Variants in PEAK1 observed in about 807,000 individuals in gnomAD.
PEAK1 encodes the protein pseudopodium enriched atypical kinase 1.
PEAK1 carries 54 observed loss-of-function variants against 124.7 expected under a neutral mutation model. The ratio of observed to expected loss-of-function variants is 0.43; its 90% CI spans 0.35 to 0.54. PEAK1 has a LOEUF of 0.54. Ranked by LOEUF, PEAK1 falls within the 20% of genes least tolerant of loss-of-function variation. The pLI is 0.01. For missense variants in PEAK1, 2,046 were observed against 2,134.5 expected, an observed-to-expected ratio of 0.96 and a Z score of 0.82; for synonymous variants, 719 against 760.0, an observed-to-expected ratio of 0.95 and a Z score of 0.89.
chr15:77,386,326 T>C (rs908752626), intron 1 of PEAK1, among the ~76,000 whole-genome samples: 10 of 152,182 alleles, frequency 6.6e-5, no homozygotes, highest in African/African-American at 2.4e-4. Flanking sequence ...TAAGAATGGC[T>C]CTATGTACAA....
intron 5 of PEAK1, among the ~76,000 whole-genome samples, chr15:77,261,068 G>A (rs1162740256): frequency 6.6e-6 from 1 of 152,184 alleles, no homozygotes; most frequent in East Asian, 1.9e-4. Flanking sequence ...GGTCCTGACT[G>A]TTAGAAGGAA....
At chr15:77,352,021 G>A in intron 2 of PEAK1, 1 of 921,116 alleles carries the variant, frequency 1.1e-6, no homozygotes, top group Non-Finnish European at 1.3e-6. Context: ...AGGAGTTCAA[G>A]ACCAGCCTGG....
chr15:77,243,404 T>C (rs1377641378), intron 6 of PEAK1, among the ~76,000 whole-genome samples: 1 of 152,228 alleles, frequency 6.6e-6, no homozygotes, highest in African/African-American at 2.4e-5. Flanking sequence ...AACACAGCCA[T>C]CTTCATTCTT....
rs1428012184 is a variant in PEAK1 at position 77,294,042 on chromosome 15, G to A, written c.-602-7538C>T. Among the ~76,000 whole-genome samples, 3 of 152,120 alleles carry A rather than the reference G, an allele frequency of 2.0e-5. No homozygotes were observed. The East Asian group carries it at 5.8e-4, about 29-fold the overall frequency. On this transcript the variant is annotated intron_variant, in intron 2 of 9. Coordinates refer to ENST00000682557, the MANE Select transcript of PEAK1 (RefSeq NM_001385026.1). ...ACCTCTGCATTCATGGAAGGAAAAA[G>A]GACAGTGCCAGTCACACATTTACCC... is the stretch of plus-strand genomic sequence containing the variant.
At chr15:77,271,938 A>G (rs1319992897) in intron 5 of PEAK1, among the ~76,000 whole-genome samples, 1 of 152,218 alleles carries the variant, frequency 6.6e-6, no homozygotes, top group Non-Finnish European at 1.5e-5. Flanking sequence ...AATAATAAAA[A>G]AAAAGGAAAT....
At position 77,298,257 on chromosome 15, in the gene PEAK1, T is replaced by C. The variant is rs115490587; in HGVS notation, c.-602-11753A>G. On this transcript the variant is annotated intron_variant, in intron 2 of 9. Coordinates refer to ENST00000682557, the MANE Select transcript of PEAK1 (RefSeq NM_001385026.1). Reference sequence around the variant, plus strand: ...TTTTTGAGAGGTAGTCTCGCTGTGCTGCCCAGGCTGGAATGCAGTGGCACA... The same window carrying C: ...TTTTTGAGAGGTAGTCTCGCTGTGCCGCCCAGGCTGGAATGCAGTGGCACA... Among the ~76,000 whole-genome samples, 767 of 119,916 alleles carry C rather than the reference T, an allele frequency of 6.4e-3. 10 individuals are homozygous for C. The highest frequency in any genetic ancestry group is 0.023 in the African/African-American group (728 of 31,488). 78.7% of individuals were successfully genotyped at this position (119,916 alleles called of 152,430 possible). A position where few individuals can be genotyped will look rare whatever the true frequency, so the allele number is the denominator to read the frequency against.
At chr15:77,238,277 G>A (rs1171610606) in intron 6 of PEAK1, among the ~76,000 whole-genome samples, 4 of 152,006 alleles carry the variant, frequency 2.6e-5, no homozygotes, top group African/African-American at 9.7e-5. Context: ...TTTGCATCCA[G>A]CATTAGTAAT....
intron 8 of PEAK1, among the ~76,000 whole-genome samples, chr15:77,140,928 C>G (rs1480782548): frequency 6.6e-6 from 1 of 152,150 alleles, no homozygotes; most frequent in Middle Eastern, 3.4e-3. Flanking sequence ...GTCTCAAACT[C>G]CTGAGCTCAA....
chr15:77,235,860 T>C (rs1206994334), intron 6 of PEAK1, among the ~76,000 whole-genome samples: 2 of 152,216 alleles, frequency 1.3e-5, no homozygotes, highest in East Asian at 3.9e-4. Flanking sequence ...AGCTCCAGCA[T>C]GGCTAAAAAG....
intron 2 of PEAK1, among the ~76,000 whole-genome samples, chr15:77,298,641 A>G (rs2152988636): frequency 6.6e-6 from 1 of 152,278 alleles, no homozygotes; most frequent in African/African-American, 2.4e-5. Flanking sequence ...ATCCTTTCTA[A>G]AAATTTTTAT....
chr15:77,309,434 A>G (rs556605679), intron 2 of PEAK1, among the ~76,000 whole-genome samples: 3 of 149,234 alleles, frequency 2.0e-5, no homozygotes, highest in South Asian at 2.1e-4. Flanking sequence ...CCAGCAAGGG[A>G]AAAAAAAAAC....
intron 1 of PEAK1, among the ~76,000 whole-genome samples, chr15:77,398,638 T>A (rs769768586): frequency 1.3e-5 from 2 of 152,172 alleles, no homozygotes; most frequent in African/African-American, 4.8e-5. Context: ...AAGCCATATA[T>A]GACGGAACCG....
At chr15:77,168,235 G>GTGCA (rs1555428560) in intron 7 of PEAK1, among the ~76,000 whole-genome samples, 2 of 59,582 alleles carry the variant, frequency 3.4e-5, no homozygotes, top group African/African-American at 1.1e-4. Flanking sequence ...GCATGTGCGC[G>GTGCA]CGCACACACA....
chr15:77,290,223 C>G (rs189761305), intron 2 of PEAK1, among the ~76,000 whole-genome samples: 1 of 152,330 alleles, frequency 6.6e-6, no homozygotes, highest in East Asian at 1.9e-4. Context: ...TTCCCGGGTT[C>G]AAGCGATTCT....
chr15:77,334,520 G>T, intron 2 of PEAK1: 1 of 985,302 alleles, frequency 1.0e-6, no homozygotes, highest in East Asian at 1.1e-4. Flanking sequence ...CAGGCAGTTT[G>T]CTCTTTCATG....
intron 7 of PEAK1, among the ~76,000 whole-genome samples, chr15:77,169,882 T>G (rs2056384732): frequency 6.6e-6 from 1 of 151,550 alleles, no homozygotes; most frequent in South Asian, 2.1e-4. Context: ...AAGGGAAGAG[T>G]TGTGATGGAA....
intron 9 of PEAK1, among the ~76,000 whole-genome samples, chr15:77,130,384 C>T (rs1044232811): frequency 1.3e-5 from 2 of 152,160 alleles, no homozygotes; most frequent in Admixed American, 6.5e-5. Flanking sequence ...TAACTTGAAT[C>T]CAGATCCCCC....
At chr15:77,313,253 C>T (rs1235032985) in intron 2 of PEAK1, among the ~76,000 whole-genome samples, 1 of 151,894 alleles carries the variant, frequency 6.6e-6, no homozygotes, top group Admixed American at 6.6e-5. Context: ...ATGGTTAAAG[C>T]TGAAACAAGA....
At chr15:77,395,258 G>A (rs1330414103) in intron 1 of PEAK1, among the ~76,000 whole-genome samples, 1 of 151,786 alleles carries the variant, frequency 6.6e-6, no homozygotes, top group Non-Finnish European at 1.5e-5. Flanking sequence ...TCAGAGGAGA[G>A]CAAAGAAAAA....
Sources: gnomAD v4.1 joint callset for allele counts (sites outside exome capture counted in the v4.1 genomes callset) on GRCh38, gnomAD v4.1.1 for gene constraint, MANE v1.5 for transcripts, NCBI Gene and HGNC (gene_info 2026-07-23, HGNC 2026-07-21) for gene names.